The following TXNDC11 variants were observed in gnomAD, a reference collection of about 807,000 sequenced individuals.
TXNDC11 encodes the protein thioredoxin domain containing 11.
A neutral mutation model predicts 78.0 loss-of-function variants in TXNDC11; 68 were observed. The ratio of observed to expected loss-of-function variants is 0.87; its 90% CI spans 0.72 to 1.07. The LOEUF (loss-of-function observed/expected upper bound fraction) is 1.07. Among genes scored for constraint, TXNDC11 ranks in the 50% least tolerant of loss-of-function variants. The pLI is 0.00. For missense variants in TXNDC11, 1,389 were observed against 1,221.8 expected (o/e 1.14, Z -2.04); for synonymous variants, 571 against 495.2 (o/e 1.15, Z -2.03).
chr16:11,694,451 C>A (rs1239449003), intron 7 of TXNDC11, among the ~76,000 whole-genome samples: 1 of 151,756 alleles, frequency 6.6e-6, no homozygotes, highest in Non-Finnish European at 1.5e-5. Flanking sequence ...GCCCGACCAG[C>A]AATGCTTTTT....
intron 5 of TXNDC11, among the ~76,000 whole-genome samples, chr16:11,703,188 C>T (rs543626163): frequency 1.3e-5 from 2 of 152,268 alleles, no homozygotes; most frequent in African/African-American, 4.8e-5. Context: ...CGGGTAACAC[C>T]ATGGTGAATG....
chr16:11,742,308 G>T (rs1002502554), intron 1 of TXNDC11, 169 bp downstream of exon 1: 3 of 498,988 alleles, frequency 6.0e-6, no homozygotes, highest in Non-Finnish European at 6.6e-6. Flanking sequence ...GGGCCGGGGC[G>T]AGGAGAAGGT....
intron 4 of TXNDC11, among the ~76,000 whole-genome samples, chr16:11,723,624 GAACT>G (rs1242825619): frequency 1.3e-5 from 2 of 151,790 alleles, no homozygotes; most frequent in Non-Finnish European, 2.9e-5. Flanking sequence ...ACAAAACTAT[GAACT>G]AACAGAAACA....
rs766045707 is a variant in TXNDC11 at position 11,742,720 on chromosome 16, C to T, written c.11G>A (p.Cys4Tyr). 11 of 1,484,110 alleles carry T rather than the reference C, an allele frequency of 7.4e-6. No individual in the cohort carries two copies. In the South Asian group the frequency reaches 1.3e-4, roughly 18 times the overall value. 91.9% of individuals were successfully genotyped at this position (1,484,110 alleles called of 1,614,324 possible). ...GCTGCTGCCGCCGCCGCGGCCTCCGCATTCCGACATTACATGCTCCCAGTC... is the reference window on the plus strand; with the variant it reads ...GCTGCTGCCGCCGCCGCGGCCTCCGTATTCCGACATTACATGCTCCCAGTC... MSE[C>Y]GGRGGGSSSS... Residue 4 changes from cysteine to tyrosine, a missense_variant, in exon 1 of 12, where the codon TGC becomes TAC. By Grantham distance (194) the Cys-to-Tyr change is radical. Transcript: ENST00000283033.
In TXNDC11 at chr16:11,691,582, G is replaced by A. The variant is rs184492186; in HGVS notation, c.1608C>T (p.Ser536=). 1.9e-6 allele frequency: 3 copies of A among 1,614,180 alleles called. No individual in the cohort carries two copies. The Admixed American group carries it at 5.0e-5, about 27-fold the overall frequency. Residue 536 remains serine (S), a synonymous_variant, in exon 8 of 12, where the codon TCC becomes TCT. Coordinates refer to ENST00000283033, the MANE Select transcript of TXNDC11 (RefSeq NM_015914.7). ...CATCAACCTCACATTTCTTCTCAAG[G>A]GAAGAAAATGCAACAGTAGGGGCTT... ...VFEAPTVAFS[S]LEKKCEVDAP... is the part of the protein sequence containing the mutation.
At chr16:11,710,366 TA>T (rs1029242438) in intron 5 of TXNDC11, among the ~76,000 whole-genome samples, 2 of 152,090 alleles carry the variant, frequency 1.3e-5, no homozygotes, top group African/African-American at 4.8e-5. Context: ...AACAATGCTT[TA>T]AAAATGTAAA....
intron 7 of TXNDC11, 22 bp downstream of exon 7, chr16:11,698,103 C>A (rs757610511): frequency 6.2e-7 from 1 of 1,612,416 alleles, no homozygotes; most frequent in South Asian, 1.1e-5. Context: ...TCATGAGGTG[C>A]TTTTCACATC....
intron 5 of TXNDC11, among the ~76,000 whole-genome samples, chr16:11,713,527 C>T (rs1024841268): frequency 6.6e-6 from 1 of 151,974 alleles, no homozygotes; most frequent in Non-Finnish European, 1.5e-5. Context: ...AGAGATTCTC[C>T]TGTCTCAGCC....
rs1047427404 is a variant in TXNDC11, at chr16:11,739,822, A to G, written c.254+2655T>C. Among the ~76,000 whole-genome samples the G allele has an allele frequency of 1.2e-4, 18 of 152,236 alleles. 1 individual carries two copies. In the South Asian group the frequency reaches 1.5e-3, roughly 12 times the overall value. On this transcript the variant is annotated intron_variant, in intron 1 of 11. Coordinates refer to ENST00000283033, the MANE Select transcript of TXNDC11 (RefSeq NM_015914.7). ...ACCTTTTCCATATTAGCTGGTTTGAATTCAGCCAAGCCACAGACATTGAAA... is the reference window on the plus strand; with the variant it reads ...ACCTTTTCCATATTAGCTGGTTTGAGTTCAGCCAAGCCACAGACATTGAAA...
intron 5 of TXNDC11, among the ~76,000 whole-genome samples, chr16:11,702,470 C>A (rs1000022319): frequency 6.6e-6 from 1 of 152,146 alleles, no homozygotes; most frequent in African/African-American, 2.4e-5. Context: ...AAGTTCAAGA[C>A]CAGCCTGGCC....
At chr16:11,688,650 T>C in intron 8 of TXNDC11, 1 of 474,822 alleles carries the variant, frequency 2.1e-6, no homozygotes, top group East Asian at 3.1e-5. Context: ...GACAGTAATG[T>C]GGATAACAAA....
intron 5 of TXNDC11, among the ~76,000 whole-genome samples, chr16:11,720,279 T>G (rs1769591392): frequency 6.6e-6 from 1 of 152,202 alleles, no homozygotes; most frequent in African/African-American, 2.4e-5. Context: ...TAATGTGACA[T>G]GCGTTTTATA....
At chr16:11,694,735 GAGCC>G (rs1427755423) in intron 7 of TXNDC11, among the ~76,000 whole-genome samples, 1 of 152,232 alleles carries the variant, frequency 6.6e-6, no homozygotes, top group Admixed American at 6.5e-5. Flanking sequence ...TTACAGGCGT[GAGCC>G]ACTGCGCCCA....
chr16:11,688,162 A>G, intron 9 of TXNDC11, 141 bp downstream of exon 9: 1 of 1,004,480 alleles, frequency 1.0e-6, no homozygotes. Context: ...ACCACATGTA[A>G]TTCATTCACG....
intron 4 of TXNDC11, among the ~76,000 whole-genome samples, chr16:11,729,435 G>A (rs996566309): frequency 2.1e-5 from 3 of 141,404 alleles, no homozygotes; most frequent in Non-Finnish European, 3.1e-5. Context: ...TGCTGCTTGG[G>A]GAATCTCTGC....
intron 2 of TXNDC11, among the ~76,000 whole-genome samples, chr16:11,735,566 C>G (rs1411458582): frequency 6.6e-6 from 1 of 152,200 alleles, no homozygotes; most frequent in African/African-American, 2.4e-5. Context: ...ATATATCTTT[C>G]TTACCTAGCC....
At chr16:11,733,403 T>G (rs755504059) in intron 3 of TXNDC11, among the ~76,000 whole-genome samples, 15 of 152,090 alleles carry the variant, frequency 9.9e-5, no homozygotes, top group Middle Eastern at 3.2e-3. Context: ...GGTGGGTGCC[T>G]GTAGTCCCAA....
chr16:11,707,483 T>G (rs1346481656), intron 5 of TXNDC11, among the ~76,000 whole-genome samples: 1 of 152,042 alleles, frequency 6.6e-6, no homozygotes, highest in Non-Finnish European at 1.5e-5. Context: ...GAGTCTCACT[T>G]TGTCACCCAG....
intron 5 of TXNDC11, among the ~76,000 whole-genome samples, chr16:11,719,457 CCAGA>C (rs1391260700): frequency 7.2e-5 from 11 of 152,176 alleles, no homozygotes; most frequent in Non-Finnish European, 1.2e-4. Context: ...CCTATGTCTC[CCAGA>C]CAAACAATGT....
Sources: allele counts gnomAD v4.1 joint callset (sites outside exome capture counted in the v4.1 genomes callset), GRCh38; gene constraint gnomAD v4.1.1; transcripts MANE v1.5; gene names NCBI Gene and HGNC (gene_info 2026-07-23, HGNC 2026-07-21).